Variants in FYN observed in about 807,000 individuals in gnomAD.
FYN encodes the protein tyrosine-protein kinase Fyn.
In FYN, 10 loss-of-function variants were observed where a neutral mutation model predicts 70.2. The observed-to-expected ratio is 0.14, with a 90% CI of 0.09 to 0.24. FYN has a LOEUF of 0.24. Among genes scored for constraint, FYN ranks in the 10% least tolerant of loss-of-function variants. The pLI is 1.00. For missense variants in FYN, 319 were observed against 673.1 expected (o/e 0.47, Z 5.82); for synonymous variants, 236 against 248.6 (o/e 0.95, Z 0.48).
intron 5 of FYN, among the ~76,000 whole-genome samples, chr6:111,712,044 G>A (rs1800404424): frequency 6.6e-6 from 1 of 152,194 alleles, no homozygotes; most frequent in African/African-American, 2.4e-5. Flanking sequence ...AATAGAGATT[G>A]AGACGGATTG....
intron 2 of FYN, among the ~76,000 whole-genome samples, chr6:111,800,608 CTTAAG>C (rs1771954806): frequency 6.6e-6 from 1 of 152,152 alleles, no homozygotes; most frequent in Non-Finnish European, 1.5e-5. Flanking sequence ...TTTTTCTGAG[CTTAAG>C]TTAATACTAT....
chr6:111,722,072 C>T (rs1489096803), intron 3 of FYN, among the ~76,000 whole-genome samples: 1 of 152,068 alleles, frequency 6.6e-6, no homozygotes, highest in East Asian at 1.9e-4. Context: ...GAAGAGTGCT[C>T]CCTGGGCACT....
chr6:111,753,798 T>C (rs1802589589), intron 3 of FYN, among the ~76,000 whole-genome samples: 1 of 152,244 alleles, frequency 6.6e-6, no homozygotes, highest in Non-Finnish European at 1.5e-5. Flanking sequence ...TGGTATTTAC[T>C]GAAATACAGC....
chr6:111,670,614 A>G (rs1020655097), intron 13 of FYN, among the ~76,000 whole-genome samples: 1 of 143,464 alleles, frequency 7.0e-6, no homozygotes, highest in Non-Finnish European at 1.5e-5. Flanking sequence ...GACTACAGAA[A>G]AAGAGTTATG....
chr6:111,774,701 C>T (rs1367765468), intron 3 of FYN, among the ~76,000 whole-genome samples: 1 of 151,966 alleles, frequency 6.6e-6, no homozygotes, highest in Admixed American at 6.6e-5. Context: ...TTTTTCCCCC[C>T]CTACTTATTA....
At chr6:111,718,998 G>A (rs1451961132) in intron 4 of FYN, among the ~76,000 whole-genome samples, 1 of 152,224 alleles carries the variant, frequency 6.6e-6, no homozygotes, top group Non-Finnish European at 1.5e-5. Context: ...CAGATGGGCT[G>A]AGAGATACTG....
chr6:111,770,748 T>C (rs747590385), intron 3 of FYN, among the ~76,000 whole-genome samples: 50 of 152,192 alleles, frequency 3.3e-4, no homozygotes, highest in Middle Eastern at 3.4e-3. Context: ...ATGGCAGATA[T>C]GTGTGAAGAC....
intron 2 of FYN, among the ~76,000 whole-genome samples, chr6:111,793,257 G>A (rs1771688826): frequency 6.6e-6 from 1 of 152,092 alleles, no homozygotes; most frequent in African/African-American, 2.4e-5. Context: ...TATATGTTAG[G>A]ATGGCATGAA....
rs1029984380 is a variant in FYN at position 111,790,886 on chromosome 6, C to T, written c.-81-10251G>A. Among the ~76,000 whole-genome samples the T allele has an allele frequency of 7.2e-5, 11 of 152,190 alleles. No individual in the cohort carries two copies. The East Asian group carries it at 2.1e-3, about 29-fold the overall frequency. On this transcript the variant is annotated intron_variant, in intron 2 of 13. Transcript: ENST00000354650. ...ATGTAAGACTTTATGCTGAAAATGA[C>T]AAAACGTTATTGAGAGAAATTACAG...
At chr6:111,779,413 T>A (rs1443088801) in intron 3 of FYN, among the ~76,000 whole-genome samples, 2 of 152,118 alleles carry the variant, frequency 1.3e-5, no homozygotes, top group African/African-American at 2.4e-5. Context: ...AAGAAAGGTT[T>A]GGAAATGAAA....
At chr6:111,668,398 T>C (rs187384739) in intron 13 of FYN, among the ~76,000 whole-genome samples, 91 of 152,178 alleles carry the variant, frequency 6.0e-4, no homozygotes, top group African/African-American at 2.1e-3. Context: ...TTCAGCCCAT[T>C]GTATTAATAA....
chr6:111,811,438 C>G (rs1772322097), intron 2 of FYN, among the ~76,000 whole-genome samples: 1 of 152,204 alleles, frequency 6.6e-6, no homozygotes. Context: ...CAAATGGCTT[C>G]TGTGTTCCTT....
At chr6:111,728,129 T>C (rs1801275047) in intron 3 of FYN, among the ~76,000 whole-genome samples, 1 of 152,192 alleles carries the variant, frequency 6.6e-6, no homozygotes, top group Non-Finnish European at 1.5e-5. Flanking sequence ...GAACATTTTC[T>C]TCTTAAATTC....
intron 1 of FYN, among the ~76,000 whole-genome samples, chr6:111,848,450 A>C (rs1773593510): frequency 6.6e-6 from 1 of 152,204 alleles, no homozygotes; most frequent in East Asian, 1.9e-4. Context: ...AAAACGGAAA[A>C]CCCATTTGAA....
Position 111,821,761 on chromosome 6 carries a change from C to G in FYN, c.-82+24828G>C, listed in dbSNP as rs563663891. Among the ~76,000 whole-genome samples, 26 of 152,206 alleles carry G rather than the reference C, an allele frequency of 1.7e-4. No individual in the cohort carries two copies. The East Asian group carries it at 5.0e-3, about 29-fold the overall frequency. On this transcript the variant is annotated intron_variant, in intron 2 of 13. Transcript: ENST00000354650. ...CTGAAAAAGGGCTAATATCCAGAAT[C>G]TACAAAGAACTCAAACAAATTTACA...
intron 8 of FYN, 136 bp from the exon 9 acceptor site, chr6:111,700,404 C>G: frequency 1.3e-6 from 1 of 797,006 alleles, no homozygotes. Flanking sequence ...GACGACCACA[C>G]ACATCGTGGA....
rs763124560 is a variant in FYN, at chr6:111,694,451, C to T, written c.1197G>A (p.Gly399=). 3.1e-6 allele frequency: 5 copies of T among 1,614,238 alleles called. No homozygotes were observed. The highest frequency in any genetic ancestry group is 4.2e-6 in the Non-Finnish European group (5 of 1,180,038). The change falls in exon 12 of 14, where the codon GGG becomes GGA. Residue 399 remains glycine, a synonymous_variant. Transcript: ENST00000354650. This position sits in a 1 kb window ranked among gnomAD's most constrained non-coding sequence, Gnocchi z 5.0. ...CAGCAATCTTGCATATGAGTCCATT[C>T]CCCACTAGAATGTTTGCTGATCGCA... ...RDLRSANILV[G]NGLICKIADF...
chr6:111,866,505 C>T (rs1774110612), intron 1 of FYN, among the ~76,000 whole-genome samples: 1 of 152,214 alleles, frequency 6.6e-6, no homozygotes, highest in Non-Finnish European at 1.5e-5. Flanking sequence ...CCACACCGGG[C>T]TAATTTTTGT....
chr6:111,707,363 C>T (rs188391064), intron 6 of FYN, among the ~76,000 whole-genome samples: 61 of 152,292 alleles, frequency 4.0e-4, no homozygotes, highest in South Asian at 6.2e-4. Context: ...AATAACTGCT[C>T]GTCACTGTTT....
Sources: allele counts gnomAD v4.1 joint callset (sites outside exome capture counted in the v4.1 genomes callset), GRCh38; gene constraint gnomAD v4.1.1; non-coding constraint Gnocchi (gnomAD v3.1); transcripts MANE v1.5; gene names NCBI Gene and HGNC (gene_info 2026-07-23, HGNC 2026-07-21).